TLN1: variants seen among roughly 807,000 people sequenced by gnomAD.
TLN1 encodes talin-1.
In TLN1, 56 loss-of-function variants were observed where a neutral mutation model predicts 292.3. The observed-to-expected ratio is 0.19, with a 90% CI of 0.15 to 0.24. The LOEUF is 0.24. Among genes scored for constraint, TLN1 ranks in the 10% least tolerant of loss-of-function variants. TLN1 has a pLI of 1.00. For synonymous variants in TLN1, 1,119 were observed against 1,253.7 expected (o/e 0.89, Z 2.27); for missense variants, 2,433 against 3,248.2 (o/e 0.75, Z 6.10).
At position 35,705,786 on chromosome 9, in the gene TLN1, C is replaced by G. The variant is rs1454192661; in HGVS notation, c.5577G>C (p.Arg1859=). The G allele has an allele frequency of 6.2e-7, 1 of 1,614,138 alleles. No individual in the cohort carries two copies. Among genetic ancestry groups the G allele is most frequent in the Non-Finnish European group, 8.5e-7 (1 of 1,180,062 alleles). Reference sequence around the variant, plus strand: ...CGGTCACTGCAATGGCCTTGGCTGTCCGCACCATAGTTGTTTGGTAATCCA... The same window carrying G: ...CGGTCACTGCAATGGCCTTGGCTGTGCGCACCATAGTTGTTTGGTAATCCA... ...SFVDYQTTMV[R]TAKAIAVTVQ... The change falls in exon 42 of 57, where the codon CGG becomes CGC. Residue 1859 remains arginine (R), a synonymous_variant. Coordinates refer to ENST00000314888, the MANE Select transcript of TLN1 (RefSeq NM_006289.4).
chr9:35,723,047 T>C, intron 7 of TLN1, 126 bp from the exon 8 acceptor site: 1 of 740,558 alleles, frequency 1.4e-6, no homozygotes, highest in Admixed American at 2.3e-5. Flanking sequence ...GAAAAAAGAC[T>C]CTGAGGGAAT....
In TLN1 at chr9:35,717,311, G is replaced by A; in HGVS notation, c.2293C>T (p.Arg765Ter). Reference sequence around the variant, plus strand: ...GCTGTGGCTGCTGCTCCTACCCCTCGCAACAGTTGCCCATCCTCTGTAGCT... The same window carrying A: ...GCTGTGGCTGCTGCTCCTACCCCTCACAACAGTTGCCCATCCTCTGTAGCT... Reference protein sequence around the residue: ...QAATEDGQLLRGVGAAATAVT... With the variant: ...QAATEDGQLL The change falls in exon 19 of 57, where the codon CGA becomes TGA. Residue 765 changes from arginine (R) to a stop codon, truncating the protein, a stop_gained. Transcript: ENST00000314888. LOFTEE classifies it high-confidence loss of function. The surrounding 1 kb of genome is among the most constrained non-coding windows in gnomAD (Gnocchi z 4.7). The A allele has an allele frequency of 1.2e-6, 2 of 1,614,124 alleles. No homozygotes were observed. The highest frequency in any genetic ancestry group is 1.7e-6 in the Non-Finnish European group (2 of 1,180,022).
Position 35,717,052 on chromosome 9 carries a change from G to T in TLN1, c.2458+94C>A. On this transcript the variant is annotated intron_variant, in intron 19 of 56. Coordinates refer to ENST00000314888, the MANE Select transcript of TLN1 (RefSeq NM_006289.4). The surrounding 1 kb of genome is among the most constrained non-coding windows in gnomAD (Gnocchi z 4.7). ...AAGCCCACACTGTGCTGAGTTCCTT[G>T]GGGTGAAGTGGTTAGGTCCGCAAGG... 7.1e-7 allele frequency: 1 copy of T among 1,416,754 alleles called. No individual in the cohort carries two copies. Among genetic ancestry groups the T allele is most frequent in the Non-Finnish European group, 9.5e-7 (1 of 1,048,092 alleles). 87.8% of individuals were successfully genotyped at this position (1,416,754 alleles called of 1,614,324 possible).
Position 35,697,510 on chromosome 9 carries a change from G to A in TLN1, c.*281C>T, listed in dbSNP as rs1034236095. On this transcript the variant is annotated 3_prime_UTR_variant, in exon 57 of 57. Transcript: ENST00000314888. Reference sequence around the variant, plus strand: ...GCAGGGTGGAGTGGGCTGGGGCCCCGGCAGATTCAGATCGAGGTACAGCAG... The same window carrying A: ...GCAGGGTGGAGTGGGCTGGGGCCCCAGCAGATTCAGATCGAGGTACAGCAG... The A allele has an allele frequency of 1.9e-5, 8 of 417,690 alleles. No individual in the cohort carries two copies. Among genetic ancestry groups the A allele is most frequent in the Admixed American group, 1.6e-4 (4 of 24,506 alleles). The allele number at this position is 417,690 out of a possible 1,614,324, so 25.9% of individuals were successfully genotyped here.
At position 35,718,777 on chromosome 9, in the gene TLN1, T is replaced by C. The variant is rs201492644; in HGVS notation, c.1995+35A>G. The C allele has an allele frequency of 1.6e-4, 259 of 1,578,042 alleles. 1 individual carries two copies. Among genetic ancestry groups the C allele is most frequent in the Admixed American group, 6.8e-5 (4 of 59,216 alleles). ...TCACGAGCAGAAGTTACTTCCTAGATTCTGGGGTTCTGGGGGGTTGGGTAA... is the reference window on the plus strand; with the variant it reads ...TCACGAGCAGAAGTTACTTCCTAGACTCTGGGGTTCTGGGGGGTTGGGTAA... On this transcript the variant is annotated intron_variant, in intron 17 of 56. Coordinates refer to ENST00000314888, the MANE Select transcript of TLN1 (RefSeq NM_006289.4).
Position 35,708,310 on chromosome 9 carries a change from C to G in TLN1, c.4470+31G>C, listed in dbSNP as rs760508384. On this transcript the variant is annotated intron_variant, in intron 34 of 56. Transcript: ENST00000314888. ...CGGGGTCGGTCTGCCCTTTCCCAGACTCGCCTGTGGTCCCTGTTCCCTTGA... is the reference window on the plus strand; with the variant it reads ...CGGGGTCGGTCTGCCCTTTCCCAGAGTCGCCTGTGGTCCCTGTTCCCTTGA... 10 of 1,562,136 alleles carry G rather than the reference C, an allele frequency of 6.4e-6. No homozygotes were observed. The South Asian group carries it at 1.1e-4, about 16-fold the overall frequency.
At position 35,707,824 on chromosome 9, in the gene TLN1, A is replaced by G; in HGVS notation, c.4539T>C (p.Ser1513=). 1 of 1,614,208 alleles carries G rather than the reference A, an allele frequency of 6.2e-7. No individual in the cohort carries two copies. The highest frequency in any genetic ancestry group is 8.5e-7 in the Non-Finnish European group (1 of 1,180,038). Residue 1513 remains serine, a synonymous_variant, in exon 35 of 57, where the codon TCT becomes TCC. Transcript: ENST00000314888. This position sits in a 1 kb window ranked among gnomAD's most constrained non-coding sequence, Gnocchi z 5.6. ...TGGCAGTAGGATTGGTGGTACGGGCAGAAGCCAGGCGACAGCTGTTACACA... is the reference window on the plus strand; with the variant it reads ...TGGCAGTAGGATTGGTGGTACGGGCGGAAGCCAGGCGACAGCTGTTACACA... ...SALCNSCRLA[S]ARTTNPTAKR...
At position 35,716,562 on chromosome 9, in the gene TLN1, A is replaced by T; in HGVS notation, c.2459-6T>A. 1 of 1,613,250 alleles carries T rather than the reference A, an allele frequency of 6.2e-7. No individual in the cohort carries two copies. The highest frequency in any genetic ancestry group is 8.5e-7 in the Non-Finnish European group (1 of 1,179,490). On this transcript the variant is annotated splice_region_variant and splice_polypyrimidine_tract_variant and intron_variant, in intron 19 of 56. Transcript: ENST00000314888. ...GGCCTGTCGCACCATCTCCCCTGAG[A>T]GCATAGGGCACAGTCAGGCGAGGAA...
chr9:35,706,935 A>G lies in TLN1; in HGVS notation c.4956-35T>C. Reference sequence around the variant, plus strand: ...CATCATGGGCTCCAACACCAAGAACATCCCCTACTGCAAGGCCAGCCTATC... The same window carrying G: ...CATCATGGGCTCCAACACCAAGAACGTCCCCTACTGCAAGGCCAGCCTATC... On this transcript the variant is annotated intron_variant, in intron 37 of 56. Coordinates refer to ENST00000314888, the MANE Select transcript of TLN1 (RefSeq NM_006289.4). This position sits in a 1 kb window ranked among gnomAD's most constrained non-coding sequence, Gnocchi z 4.2. 2 of 1,611,688 alleles carry G rather than the reference A, an allele frequency of 1.2e-6. No homozygotes were observed. Among genetic ancestry groups the G allele is most frequent in the Non-Finnish European group, 1.7e-6 (2 of 1,178,942 alleles).
intron 43 of TLN1, 42 bp downstream of exon 43, chr9:35,705,508 GA>G (rs1563939795): frequency 6.5e-7 from 1 of 1,529,988 alleles, no homozygotes; most frequent in Non-Finnish European, 8.8e-7. Context: ...GACACATCAG[GA>G]ACAAGGGGCA....
rs2249133 is a variant in TLN1 at position 35,712,826 on chromosome 9, G to A, written c.3561+9C>T. 0.58 allele frequency: 911,493 copies of A among 1,559,328 alleles called. 267,637 individuals carry two copies. The highest frequency in any genetic ancestry group is 0.65 in the Admixed American group (34,164 of 52,644). On this transcript the variant is annotated intron_variant, in intron 27 of 56. Transcript: ENST00000314888. The stretch of plus-strand genomic sequence containing the variant: ...GGGGAGAGGGAGTGGCCCTTTCCCA[G>A]TATCTGACCTGGGCAAGCCGCTGCT...
At position 35,719,197 on chromosome 9, in the gene TLN1, C is replaced by T; in HGVS notation, c.1773G>A (p.Val591=). ...SSNLTEMSRG[V]KLLAALLEDE... ...CCTCCAGCAAGGCAGCCAGCAGCTT[C>T]ACCCCACGGGACATCTCCGTCAGGT... Residue 591 remains valine, a synonymous_variant, in exon 16 of 57, where the codon GTG becomes GTA. Coordinates refer to ENST00000314888, the MANE Select transcript of TLN1 (RefSeq NM_006289.4). The surrounding 1 kb of genome is among the most constrained non-coding windows in gnomAD (Gnocchi z 4.6). 2.5e-6 allele frequency: 4 copies of T among 1,614,226 alleles called. No individual in the cohort carries two copies. Among genetic ancestry groups the T allele is most frequent in the Non-Finnish European group, 3.4e-6 (4 of 1,180,038 alleles).
At chr9:35,716,190 T>TAAAA (rs11443679) in intron 20 of TLN1, among the ~76,000 whole-genome samples, 200 bp downstream of exon 20, 1 of 112,420 alleles carries the variant, frequency 8.9e-6, no homozygotes, top group East Asian at 2.6e-4. Flanking sequence ...ACCACATCTT[T>TAAAA]AAAAAAAAAA....
chr9:35,708,749 T>C (rs1323418862), intron 33 of TLN1, among the ~76,000 whole-genome samples: 1 of 152,262 alleles, frequency 6.6e-6, no homozygotes, highest in Non-Finnish European at 1.5e-5. Flanking sequence ...CAAGGGTTTT[T>C]ATCCAATCTC....
At chr9:35,731,054 A>C (rs1826069618) in intron 1 of TLN1, among the ~76,000 whole-genome samples, 1 of 152,128 alleles carries the variant, frequency 6.6e-6, no homozygotes, top group Non-Finnish European at 1.5e-5. Flanking sequence ...GGCTTAGAGA[A>C]TGGAATAAAG....
chr9:35,711,446 C>T (rs1825666478), intron 29 of TLN1, 52 bp from the exon 30 acceptor site: 1 of 1,611,400 alleles, frequency 6.2e-7, no homozygotes, highest in East Asian at 2.2e-5. Context: ...TTATCTGTCT[C>T]TAAAAGGGAT....
In TLN1 at chr9:35,723,616, G is replaced by C. The variant is rs1020734240; in HGVS notation, c.782+336C>G. On this transcript the variant is annotated intron_variant, in intron 7 of 56. Coordinates refer to ENST00000314888, the MANE Select transcript of TLN1 (RefSeq NM_006289.4). ...ATTCCAAGAAACACCAGCAGATGAG[G>C]CTTGTGAGACTTTTAACCCATGTTC... 6 of 273,160 alleles carry C rather than the reference G, an allele frequency of 2.2e-5. No homozygotes were observed. The Admixed American group carries it at 2.6e-4, about 12-fold the overall frequency. 16.9% of individuals were successfully genotyped at this position (273,160 alleles called of 1,614,324 possible). A position where few individuals can be genotyped will look rare whatever the true frequency, so the allele number is the denominator to read the frequency against.
At chr9:35,728,922 G>C (rs1826022855) in intron 1 of TLN1, among the ~76,000 whole-genome samples, 1 of 152,166 alleles carries the variant, frequency 6.6e-6, no homozygotes, top group African/African-American at 2.4e-5. Flanking sequence ...ACGGAGGGCA[G>C]GATGTGGTAA....
Position 35,714,330 on chromosome 9 carries a change from G to C in TLN1, c.3029C>G (p.Thr1010Arg). 6.2e-7 allele frequency: 1 copy of C among 1,613,732 alleles called. No homozygotes were observed. The highest frequency in any genetic ancestry group is 8.5e-7 in the Non-Finnish European group (1 of 1,179,782). The change falls in exon 24 of 57, where the codon ACG becomes AGG. Residue 1010 changes from threonine to arginine, a missense_variant. Physicochemically the swap from Thr to Arg is moderately conservative, Grantham distance 71 (BLOSUM62 -1). Coordinates refer to ENST00000314888, the MANE Select transcript of TLN1 (RefSeq NM_006289.4). The surrounding 1 kb of genome is among the most constrained non-coding windows in gnomAD (Gnocchi z 4.6). ...MVAAAKASVP[T>R]IQDQASAMQL... ...CATGGCTGAAGCCTGGTCCTGAATC[G>C]TTGGCACTGAGGCCTTTGCAGCTGC... is the stretch of plus-strand genomic sequence containing the variant.
Sources: gnomAD v4.1 joint callset for allele counts (sites outside exome capture counted in the v4.1 genomes callset) on GRCh38, gnomAD v4.1.1 for gene constraint, Gnocchi (gnomAD v3.1) non-coding constraint, MANE v1.5 for transcripts, NCBI Gene and HGNC (gene_info 2026-07-23, HGNC 2026-07-21) for gene names.